The following STAC variants were observed in gnomAD, a reference collection of about 807,000 sequenced individuals.
STAC encodes SH3 and cysteine rich domain, also known as SH3 and cysteine-rich domain-containing protein.
A neutral mutation model predicts 48.8 loss-of-function variants in STAC; 43 were observed. The observed-to-expected ratio is 0.88, with a 90% CI of 0.69 to 1.14. The LOEUF is 1.14. Among genes scored for constraint, STAC ranks in the 50% most tolerant of loss-of-function variants. The probability of loss-of-function intolerance (pLI) is 0.00; values close to 1 mark genes in which losing one functional copy is unlikely to be tolerated. For missense variants in STAC, 497 were observed against 504.0 expected (o/e 0.99, Z 0.13); for synonymous variants, 193 against 179.5 (o/e 1.07, Z -0.60).
rs373239783 is a variant in STAC, at chr3:36,533,270, C to T, written c.1110+4285C>T. 8.9e-4 allele frequency among the ~76,000 whole-genome samples: 135 copies of T among 152,280 alleles called. 1 individual carries two copies. In the South Asian group the frequency reaches 0.027, roughly 31 times the overall value. On this transcript the variant is annotated intron_variant, in intron 10 of 10. Coordinates refer to ENST00000273183, the MANE Select transcript of STAC (RefSeq NM_003149.3). Reference sequence around the variant, plus strand: ...GGCACAGGCATCATCATCAGACTGACACCCCATCTCTGATGCGATACACAA... The same window carrying T: ...GGCACAGGCATCATCATCAGACTGATACCCCATCTCTGATGCGATACACAA...
chr3:36,382,029 G>A (rs1451945166), intron 1 of STAC, among the ~76,000 whole-genome samples: 2 of 152,106 alleles, frequency 1.3e-5, no homozygotes, highest in African/African-American at 4.8e-5. Context: ...TATACTGTAA[G>A]GACTCAATCA....
intron 2 of STAC, among the ~76,000 whole-genome samples, chr3:36,471,199 A>G (rs1346282927): frequency 6.6e-6 from 1 of 152,170 alleles, no homozygotes; most frequent in African/African-American, 2.4e-5. Context: ...AGGAGGAAGA[A>G]AAAGCAGAAA....
chr3:36,465,694 G>A (rs2125687393), intron 2 of STAC, among the ~76,000 whole-genome samples: 1 of 152,230 alleles, frequency 6.6e-6, no homozygotes, highest in Non-Finnish European at 1.5e-5. Flanking sequence ...GCAAGCTGAG[G>A]TGCAAGGAGA....
At chr3:36,394,382 C>T (rs556930337) in intron 1 of STAC, among the ~76,000 whole-genome samples, 2 of 152,198 alleles carry the variant, frequency 1.3e-5, no homozygotes, top group East Asian at 3.9e-4. Flanking sequence ...ATTGTCTGTG[C>T]TAAGGAATTT....
intron 1 of STAC, among the ~76,000 whole-genome samples, chr3:36,412,949 G>C (rs893582084): frequency 6.6e-6 from 1 of 152,156 alleles, no homozygotes; most frequent in African/African-American, 2.4e-5. Context: ...AGTCATTCAG[G>C]AGCAGGTTGT....
At chr3:36,427,137 A>T (rs985684029) in intron 1 of STAC, among the ~76,000 whole-genome samples, 1 of 152,184 alleles carries the variant, frequency 6.6e-6, no homozygotes, top group Non-Finnish European at 1.5e-5. Context: ...GTCCACAGGG[A>T]ATTTTGCAAA....
intron 10 of STAC, among the ~76,000 whole-genome samples, chr3:36,532,808 A>G (rs1450954976): frequency 2.0e-5 from 3 of 152,232 alleles, no homozygotes; most frequent in African/African-American, 7.2e-5. Context: ...AGAAAAGGAA[A>G]GAACAAATTA....
chr3:36,430,786 G>C (rs1049310933), intron 1 of STAC, among the ~76,000 whole-genome samples: 1 of 152,192 alleles, frequency 6.6e-6, no homozygotes. Flanking sequence ...TTGCCTTGTA[G>C]ATAATCACCT....
rs1697800327 is a variant in STAC, at chr3:36,486,009, C to A, written c.572-125C>A. The A allele has an allele frequency of 2.3e-5, 16 of 683,088 alleles. No individual in the cohort carries two copies. In the South Asian group the frequency reaches 2.8e-4, roughly 12 times the overall value. 42.3% of individuals were successfully genotyped at this position (683,088 alleles called of 1,614,324 possible). On this transcript the variant is annotated intron_variant, in intron 4 of 10. Coordinates refer to ENST00000273183, the MANE Select transcript of STAC (RefSeq NM_003149.3). Reference sequence around the variant, plus strand: ...ACTTGGCCATGAAAGCCCTGTCTACCCAGAGGCTAAGTTCCTCTGCACAGA... The same window carrying A: ...ACTTGGCCATGAAAGCCCTGTCTACACAGAGGCTAAGTTCCTCTGCACAGA...
intron 1 of STAC, among the ~76,000 whole-genome samples, chr3:36,401,504 G>A (rs967682963): frequency 6.6e-6 from 1 of 152,116 alleles, no homozygotes; most frequent in African/African-American, 2.4e-5. Context: ...GGAACCCAAG[G>A]AAGCCCGCAC....
Position 36,547,901 on chromosome 3 carries a change from T to C in STAC, c.*1612T>C, listed in dbSNP as rs897543015. On this transcript the variant is annotated 3_prime_UTR_variant, in exon 11 of 11. Transcript: ENST00000273183. ...TCTTTGAGAGCCAGGGTAGATCATA[T>C]GACTGCCTTTCTGTAAAATTGGATG... is the stretch of plus-strand genomic sequence containing the variant. The C allele has an allele frequency of 2.6e-5, 4 of 152,174 alleles. No individual in the cohort carries two copies. Among genetic ancestry groups the C allele is most frequent in the Non-Finnish European group, 5.9e-5 (4 of 68,034 alleles). The allele number at this position is 152,174 out of a possible 1,614,324, so 9.4% of individuals were successfully genotyped here.
intron 10 of STAC, among the ~76,000 whole-genome samples, chr3:36,537,032 A>T (rs1454604758): frequency 6.6e-6 from 1 of 152,138 alleles, no homozygotes; most frequent in African/African-American, 2.4e-5. Flanking sequence ...GTGATTATTA[A>T]AGAGTCAAGA....
intron 2 of STAC, among the ~76,000 whole-genome samples, chr3:36,464,860 C>G (rs889451312): frequency 4.0e-5 from 6 of 151,390 alleles, no homozygotes; most frequent in Non-Finnish European, 7.4e-5. Flanking sequence ...TCTTTATCCA[C>G]TAGTTGATTG....
At chr3:36,476,346 G>T (rs1697493113) in intron 2 of STAC, among the ~76,000 whole-genome samples, 1 of 152,194 alleles carries the variant, frequency 6.6e-6, no homozygotes, top group Non-Finnish European at 1.5e-5. Context: ...GAAGGAGGGT[G>T]TGTGTGCAGG....
At chr3:36,505,957 A>G in intron 8 of STAC, 123 bp downstream of exon 8, 1 of 614,256 alleles carries the variant, frequency 1.6e-6, no homozygotes, top group East Asian at 3.0e-5. Flanking sequence ...AAACTTTAGC[A>G]TGTATCTAAT....
chr3:36,450,226 A>G (rs1696639261), intron 2 of STAC, among the ~76,000 whole-genome samples: 1 of 152,238 alleles, frequency 6.6e-6, no homozygotes, highest in Admixed American at 6.5e-5. Context: ...ATTATTTTTA[A>G]AACAGTCATT....
intron 1 of STAC, among the ~76,000 whole-genome samples, chr3:36,432,722 C>T (rs909811285): frequency 5.3e-5 from 8 of 151,894 alleles, no homozygotes; most frequent in Middle Eastern, 3.4e-3. Context: ...AAAAAACTGT[C>T]GCTTTATTAA....
chr3:36,435,730 A>G (rs1372083959), intron 1 of STAC, among the ~76,000 whole-genome samples: 3 of 152,160 alleles, frequency 2.0e-5, no homozygotes, highest in African/African-American at 7.2e-5. Flanking sequence ...TCCTCCAAAG[A>G]CATTCCCATT....
intron 2 of STAC, among the ~76,000 whole-genome samples, chr3:36,448,663 G>C (rs555724851): frequency 2.0e-5 from 3 of 152,184 alleles, no homozygotes; most frequent in Non-Finnish European, 2.9e-5. Flanking sequence ...TCTTCAAATA[G>C]TTGAAAAGAT....
Sources: allele counts gnomAD v4.1 joint callset (sites outside exome capture counted in the v4.1 genomes callset), GRCh38; gene constraint gnomAD v4.1.1; transcripts MANE v1.5; gene names NCBI Gene and HGNC (gene_info 2026-07-23, HGNC 2026-07-21).